HOOK1: variants seen among roughly 807,000 people sequenced by gnomAD.
HOOK1 encodes hook microtubule tethering protein 1.
HOOK1 carries 60 observed loss-of-function variants against 112.8 expected under a neutral mutation model. The observed-to-expected ratio is 0.53, with a 90% confidence interval of 0.43 to 0.66. The LOEUF is 0.66. HOOK1 is among the 30% of genes least tolerant of loss of function. The pLI is 0.00. For missense variants in HOOK1, 770 were observed against 856.0 expected (o/e 0.90, Z 1.25); for synonymous variants, 294 against 283.8 (o/e 1.04, Z -0.36).
At chr1:59,861,665 GT>G (rs1559060846) in intron 15 of HOOK1, among the ~76,000 whole-genome samples, 1 of 152,162 alleles carries the variant, frequency 6.6e-6, no homozygotes. Flanking sequence ...TATACACCTA[GT>G]AGTTCTGGAT....
chr1:59,836,796 C>G (rs1308151579), intron 6 of HOOK1, 77 bp from the exon 7 acceptor site: 1 of 832,118 alleles, frequency 1.2e-6, no homozygotes, highest in African/African-American at 1.7e-5. Context: ...AATCATTTTA[C>G]TATCCTTTCA....
intron 9 of HOOK1, among the ~76,000 whole-genome samples, chr1:59,845,307 A>T (rs1418521194): frequency 6.6e-6 from 1 of 151,986 alleles, no homozygotes; most frequent in African/African-American, 2.4e-5. Context: ...AGGTTTCAAC[A>T]TGAATTTTAG....
chr1:59,815,789 C>T (rs1373623645), intron 1 of HOOK1, among the ~76,000 whole-genome samples: 1 of 151,766 alleles, frequency 6.6e-6, no homozygotes, highest in Non-Finnish European at 1.5e-5. Flanking sequence ...AGTCGGGGGT[C>T]GTTTTCCCTT....
Position 59,840,360 on chromosome 1 carries a change from T to A in HOOK1, c.590T>A (p.Leu197Gln). ...LQEALAEKEELRQRCEELDMQ... is the reference protein window; with the variant it reads ...LQEALAEKEEQRQRCEELDMQ... ...GAAGCACTAGCAGAAAAAGAAGAGCTGAGGCAAAGATGTGAAGAATTGGAT... is the reference window on the plus strand; with the variant it reads ...GAAGCACTAGCAGAAAAAGAAGAGCAGAGGCAAAGATGTGAAGAATTGGAT... The change falls in exon 8 of 22, where the codon CTG (leucine) becomes CAG (glutamine). Residue 197 changes from leucine to glutamine, a missense_variant. Coordinates refer to ENST00000371208, the MANE Select transcript of HOOK1 (RefSeq NM_015888.6). 1 of 1,591,864 alleles carries A rather than the reference T, an allele frequency of 6.3e-7. No homozygotes were observed. The highest frequency in any genetic ancestry group is 8.5e-7 in the Non-Finnish European group (1 of 1,169,948).
At position 59,846,623 on chromosome 1, in the gene HOOK1, ATTCT is replaced by A. The variant is rs1400924792; in HGVS notation, c.789-409_789-406del. On this transcript the variant is annotated intron_variant, in intron 9 of 21. Coordinates refer to ENST00000371208, the MANE Select transcript of HOOK1 (RefSeq NM_015888.6). The stretch of plus-strand genomic sequence containing the variant: ...CTCCCTCCCTCCCTCTCTCTCTCTC[ATTCT>A]TTCTTTCTTTCTAACATAGACCTTT... Among the ~76,000 whole-genome samples, 7 of 106,932 alleles carry A rather than the reference ATTCT, an allele frequency of 6.5e-5. 1 individual carries two copies. Among genetic ancestry groups the A allele is most frequent in the Admixed American group, 6.0e-4 (5 of 8,344 alleles). The allele number at this position is 106,932 out of a possible 152,430, so 70.2% of individuals were successfully genotyped here.
chr1:59,816,064 G>A (rs2098381236), intron 1 of HOOK1, among the ~76,000 whole-genome samples: 2 of 152,160 alleles, frequency 1.3e-5, no homozygotes, highest in South Asian at 2.1e-4. Flanking sequence ...GAGCCACAAG[G>A]TGCTGTTGAT....
chr1:59,833,419 G>A lies in HOOK1; in HGVS notation c.288G>A (p.Gln96=). ...TAATATTGTAGTTTTTGGGGCAGCA[G>A]ATTTCAGAAGCACTTATCCCTGATT... ...MSYYHEFLGQ[Q]ISEALIPDLN... is the part of the protein sequence containing the mutation. The change falls in exon 5 of 22, where the codon CAG becomes CAA. Residue 96 remains glutamine (Q), a synonymous_variant. Transcript: ENST00000371208. The A allele has an allele frequency of 6.6e-7, 1 of 1,524,506 alleles. No homozygotes were observed. Among genetic ancestry groups the A allele is most frequent in the Non-Finnish European group, 8.9e-7 (1 of 1,126,982 alleles). 94.4% of individuals were successfully genotyped at this position (1,524,506 alleles called of 1,614,324 possible). A position where few individuals can be genotyped will look rare whatever the true frequency, so the allele number is the denominator to read the frequency against.
At chr1:59,867,627 A>G (rs1244748084) in intron 19 of HOOK1, among the ~76,000 whole-genome samples, 2 of 152,170 alleles carry the variant, frequency 1.3e-5, no homozygotes, top group Non-Finnish European at 2.9e-5. Context: ...ACAGATTGCT[A>G]TCTCCATAGT....
intron 12 of HOOK1, among the ~76,000 whole-genome samples, chr1:59,853,317 A>C (rs1314977335): frequency 6.6e-6 from 1 of 151,816 alleles, no homozygotes; most frequent in Non-Finnish European, 1.5e-5. Flanking sequence ...TGTAATTGTT[A>C]TATCTTCCTG....
rs2098405329 is a variant in HOOK1 at position 59,848,382 on chromosome 1, CTGAA to C, written c.1001_1004del (p.Asn334ThrfsTer6). The C allele has an allele frequency of 1.9e-6, 3 of 1,611,196 alleles. No individual in the cohort carries two copies. The highest frequency in any genetic ancestry group is 2.5e-6 in the Non-Finnish European group (3 of 1,178,130). On this transcript the variant is annotated frameshift_variant, in exon 11 of 22. Transcript: ENST00000371208. LOFTEE classifies it high-confidence loss of function. ...GATATATCGTCAGAAGCTACAAGAT[CTGAA>C]TGACCTTCGCAAGCAGGTGAAAACT... is the stretch of plus-strand genomic sequence containing the variant.
intron 13 of HOOK1, 49 bp from the exon 14 acceptor site, chr1:59,858,935 TA>T (rs2098412105): frequency 1.7e-6 from 2 of 1,154,238 alleles, no homozygotes; most frequent in African/African-American, 3.1e-5. Flanking sequence ...GAGGGTTTTT[TA>T]AAATAGTTGA....
At chr1:59,846,854 C>A (rs1275236012) in intron 9 of HOOK1, among the ~76,000 whole-genome samples, 191 bp from the exon 10 acceptor site, 4 of 150,978 alleles carry the variant, frequency 2.6e-5, no homozygotes, top group African/African-American at 4.9e-5. Context: ...ATTTAATTAA[C>A]CTTTATTATT....
chr1:59,827,905 C>T (rs2098391134), intron 2 of HOOK1, among the ~76,000 whole-genome samples: 1 of 152,048 alleles, frequency 6.6e-6, no homozygotes, highest in Admixed American at 6.6e-5. Flanking sequence ...TAGATGAGAC[C>T]TTTAAGACCT....
intron 12 of HOOK1, among the ~76,000 whole-genome samples, chr1:59,856,877 C>T (rs1052546015): frequency 1.1e-4 from 16 of 152,078 alleles, no homozygotes; most frequent in African/African-American, 2.7e-4. Context: ...TGAGACAATG[C>T]GGGCCCTCTC....
At chr1:59,822,979 T>G (rs1221773931) in intron 2 of HOOK1, among the ~76,000 whole-genome samples, 2 of 152,226 alleles carry the variant, frequency 1.3e-5, no homozygotes, top group African/African-American at 2.4e-5. Flanking sequence ...AGGTTGACAG[T>G]TATTGTAAAA....
At chr1:59,818,861 A>G (rs1298735451) in intron 1 of HOOK1, among the ~76,000 whole-genome samples, 3 of 152,092 alleles carry the variant, frequency 2.0e-5, no homozygotes, top group Admixed American at 6.5e-5. Context: ...TCCAAGATTG[A>G]GTTTTTGTTG....
intron 4 of HOOK1, 74 bp from the exon 5 acceptor site, chr1:59,833,331 C>A: frequency 1.9e-6 from 2 of 1,036,292 alleles, no homozygotes; most frequent in African/African-American, 1.6e-5. Context: ...AATTTATTTT[C>A]ATTGTAATAT....
intron 8 of HOOK1, among the ~76,000 whole-genome samples, chr1:59,841,895 A>T (rs1292749114): frequency 6.6e-6 from 1 of 152,130 alleles, no homozygotes. Flanking sequence ...GATTGAACTT[A>T]TCACCATGAG....
At chr1:59,847,428 C>T (rs761802802) in intron 10 of HOOK1, among the ~76,000 whole-genome samples, 5 of 151,452 alleles carry the variant, frequency 3.3e-5, no homozygotes, top group Non-Finnish European at 7.4e-5. Flanking sequence ...AAAATGAGAC[C>T]TTTAATTAAA....
Sources: allele counts gnomAD v4.1 joint callset (sites outside exome capture counted in the v4.1 genomes callset), GRCh38; gene constraint gnomAD v4.1.1; transcripts MANE v1.5; gene names NCBI Gene and HGNC (gene_info 2026-07-23, HGNC 2026-07-21).